Variants in PPM1L observed in about 807,000 individuals in gnomAD.
PPM1L encodes the protein protein phosphatase 1L.
Under a neutral mutation model 31.4 loss-of-function variants are expected in PPM1L, and 13 were observed. That is an observed-to-expected ratio of 0.41 (90% confidence interval 0.27 to 0.66). PPM1L has a LOEUF of 0.66. Ranked by LOEUF, PPM1L falls within the 30% of genes least tolerant of loss-of-function variation. The probability of loss-of-function intolerance (pLI) is 0.29; values close to 1 mark genes in which losing one functional copy is unlikely to be tolerated. For synonymous variants in PPM1L, 184 were observed against 175.4 expected, an observed-to-expected ratio of 1.05 and a Z score of -0.39; for missense variants, 326 against 453.7, an observed-to-expected ratio of 0.72 and a Z score of 2.56.
At chr3:160,850,489 C>G (rs1711501977) in intron 1 of PPM1L, among the ~76,000 whole-genome samples, 1 of 152,100 alleles carries the variant, frequency 6.6e-6, no homozygotes, top group Non-Finnish European at 1.5e-5. Flanking sequence ...GTGATTTAGT[C>G]AACCTCCAGT....
chr3:161,025,791 G>A (rs10513562), intron 2 of PPM1L, among the ~76,000 whole-genome samples: 88,372 of 151,900 alleles, frequency 0.58, 27,055 homozygotes, highest in East Asian at 0.92. Flanking sequence ...AAACTAAGAC[G>A]ATAGGTTAAG....
intron 1 of PPM1L, among the ~76,000 whole-genome samples, chr3:160,841,817 G>A (rs1269424295): frequency 6.6e-6 from 1 of 152,158 alleles, no homozygotes; most frequent in Admixed American, 6.5e-5. Flanking sequence ...TTTGTCTTAT[G>A]TGAAATGTGA....
At chr3:160,800,851 T>C (rs1712403733) in intron 1 of PPM1L, among the ~76,000 whole-genome samples, 1 of 152,186 alleles carries the variant, frequency 6.6e-6, no homozygotes, top group African/African-American at 2.4e-5. Context: ...CTGTATTGTT[T>C]TAGGTAGAAA....
rs536261819 is a variant in PPM1L, at chr3:160,909,347, T to G, written c.400-52389T>G. 2.6e-5 allele frequency among the ~76,000 whole-genome samples: 4 copies of G among 152,318 alleles called. No homozygotes were observed. The South Asian group carries it at 8.3e-4, about 32-fold the overall frequency. On this transcript the variant is annotated intron_variant, in intron 1 of 3. Transcript: ENST00000498165. ...ATAATAGACTTGGGGGTTTCTTGAT[T>G]TCTGTTTGGAGTAATTGGTAGAAGG...
intron 1 of PPM1L, among the ~76,000 whole-genome samples, chr3:160,916,866 C>A (rs534168185): frequency 6.6e-6 from 1 of 152,170 alleles, no homozygotes; most frequent in South Asian, 2.1e-4. Context: ...GAAAAGAGAA[C>A]CTGATCACCA....
intron 1 of PPM1L, among the ~76,000 whole-genome samples, chr3:160,841,557 T>C (rs1014041938): frequency 1.3e-5 from 2 of 152,174 alleles, no homozygotes; most frequent in African/African-American, 4.8e-5. Context: ...AGTAGGAAAA[T>C]TATTTCTGCC....
Position 161,070,177 on chromosome 3 carries a change from C to T in PPM1L, c.*1020C>T, listed in dbSNP as rs1007355806. On this transcript the variant is annotated 3_prime_UTR_variant, in exon 4 of 4. Transcript: ENST00000498165. ...TTTTGTGTTTTTCCTTGCCCCTTTCCAAGTGGTTTTCAAGTGTCAGGCAGT... is the reference window on the plus strand; with the variant it reads ...TTTTGTGTTTTTCCTTGCCCCTTTCTAAGTGGTTTTCAAGTGTCAGGCAGT... 1.1e-4 allele frequency: 16 copies of T among 152,340 alleles called. No homozygotes were observed. The highest frequency in any genetic ancestry group is 3.4e-3 in the Middle Eastern group (1 of 294). 9.4% of individuals were successfully genotyped at this position (152,340 alleles called of 1,614,324 possible).
chr3:160,804,999 GA>G (rs1712554497), intron 1 of PPM1L, among the ~76,000 whole-genome samples: 1 of 152,208 alleles, frequency 6.6e-6, no homozygotes, highest in African/African-American at 2.4e-5. Context: ...GAGACAGTGT[GA>G]CCTTCTCCTG....
chr3:160,970,606 C>T (rs1043636153), intron 2 of PPM1L, among the ~76,000 whole-genome samples: 1 of 151,356 alleles, frequency 6.6e-6, no homozygotes, highest in Non-Finnish European at 1.5e-5. Context: ...TGTGCAACCA[C>T]GCCCAGCTAA....
chr3:160,986,969 GT>G (rs1413715991), intron 2 of PPM1L, among the ~76,000 whole-genome samples: 2 of 152,158 alleles, frequency 1.3e-5, no homozygotes, highest in African/African-American at 2.4e-5. Flanking sequence ...TAGCTGATTG[GT>G]TGTCATTGTC....
At chr3:160,799,597 A>G (rs1488537625) in intron 1 of PPM1L, among the ~76,000 whole-genome samples, 1 of 152,196 alleles carries the variant, frequency 6.6e-6, no homozygotes, top group Non-Finnish European at 1.5e-5. Context: ...TTATTGTGAT[A>G]CTGCTTTATT....
chr3:160,854,806 G>A (rs1455719142), intron 1 of PPM1L, among the ~76,000 whole-genome samples: 1 of 147,994 alleles, frequency 6.8e-6, no homozygotes, highest in Non-Finnish European at 1.5e-5. Context: ...CAGATTCAAT[G>A]CTATTTCTAT....
intron 2 of PPM1L, among the ~76,000 whole-genome samples, chr3:161,060,105 CTAAA>C (rs1407366005): frequency 6.6e-6 from 1 of 151,992 alleles, no homozygotes; most frequent in Non-Finnish European, 1.5e-5. Context: ...AATAAATAGT[CTAAA>C]TAAATAAGCA....
intron 2 of PPM1L, among the ~76,000 whole-genome samples, chr3:160,974,884 C>G (rs1319964881): frequency 1.3e-5 from 2 of 149,082 alleles, no homozygotes; most frequent in African/African-American, 5.0e-5. Flanking sequence ...TAATTAGATC[C>G]CATTTGTCAA....
chr3:160,914,796 T>C (rs1714102516), intron 1 of PPM1L, among the ~76,000 whole-genome samples: 1 of 152,154 alleles, frequency 6.6e-6, no homozygotes, highest in Non-Finnish European at 1.5e-5. Context: ...ATCCTTTGGG[T>C]ATATACCCAG....
intron 1 of PPM1L, among the ~76,000 whole-genome samples, chr3:160,905,423 T>C (rs546843447): frequency 6.6e-6 from 1 of 152,338 alleles, no homozygotes; most frequent in South Asian, 2.1e-4. Context: ...TTTCCAGTCT[T>C]TCAAATGCCC....
chr3:160,847,004 C>G (rs988470648), intron 1 of PPM1L, among the ~76,000 whole-genome samples: 1 of 152,052 alleles, frequency 6.6e-6, no homozygotes, highest in African/African-American at 2.4e-5. Flanking sequence ...ATACCAAAAA[C>G]TCAAACTGAA....
intron 1 of PPM1L, among the ~76,000 whole-genome samples, chr3:160,914,922 C>T (rs1435898782): frequency 6.6e-6 from 1 of 152,086 alleles, no homozygotes; most frequent in African/African-American, 2.4e-5. Flanking sequence ...TAAAAGTGTT[C>T]CTATTTCTCC....
intron 1 of PPM1L, among the ~76,000 whole-genome samples, chr3:160,787,710 T>G (rs937065699): frequency 5.3e-5 from 8 of 152,222 alleles, no homozygotes; most frequent in Non-Finnish European, 1.2e-4. Context: ...TAGGTTTTAT[T>G]CAAGGGTTTT....
Sources: allele counts gnomAD v4.1 joint callset (sites outside exome capture counted in the v4.1 genomes callset), GRCh38; gene constraint gnomAD v4.1.1; transcripts MANE v1.5; gene names NCBI Gene and HGNC (gene_info 2026-07-23, HGNC 2026-07-21).